PCMTD1: variants seen among roughly 807,000 people sequenced by gnomAD.
The protein encoded by PCMTD1 is protein-L-isoaspartate (D-aspartate) O-methyltransferase domain containing 1.
Under a neutral mutation model 37.6 loss-of-function variants are expected in PCMTD1, and 12 were observed. That is an observed-to-expected ratio of 0.32 (90% CI 0.20 to 0.52). The LOEUF (loss-of-function observed/expected upper bound fraction) is 0.52. Among genes scored for constraint, PCMTD1 ranks in the 20% least tolerant of loss-of-function variants. The pLI is 0.97. For missense variants in PCMTD1, 235 were observed against 421.3 expected, an observed-to-expected ratio of 0.56 and a Z score of 3.87; for synonymous variants, 117 against 135.8, an observed-to-expected ratio of 0.86 and a Z score of 0.96.
intron 1 of PCMTD1, among the ~76,000 whole-genome samples, chr8:51,887,909 AT>A (rs1020983656): frequency 1.3e-5 from 2 of 151,698 alleles, no homozygotes; most frequent in Non-Finnish European, 2.9e-5. Flanking sequence ...CACTCAGCTA[AT>A]TTTTTTGTAT....
chr8:51,881,112 T>C (rs2038785566), intron 1 of PCMTD1, among the ~76,000 whole-genome samples: 1 of 152,200 alleles, frequency 6.6e-6, no homozygotes, highest in South Asian at 2.1e-4. Flanking sequence ...TGAGTCTTCA[T>C]TACTCTCAAT....
At chr8:51,832,609 G>A (rs1422193702) in intron 4 of PCMTD1, among the ~76,000 whole-genome samples, 1 of 152,088 alleles carries the variant, frequency 6.6e-6, no homozygotes, top group Non-Finnish European at 1.5e-5. Context: ...TTTTAAATGT[G>A]TTTTTATTAA....
At chr8:51,889,870 G>A (rs2038912811) in intron 1 of PCMTD1, among the ~76,000 whole-genome samples, 2 of 38,510 alleles carry the variant, frequency 5.2e-5, no homozygotes, top group Admixed American at 6.0e-4. Context: ...ATATACGTGT[G>A]TGTGTGTGTG....
rs538389671 is a variant in PCMTD1 at position 51,829,020 on chromosome 8, A to G, written c.706+2424T>C. Reference sequence around the variant, plus strand: ...TATATGGATTAAAGTCCTTTTTGTAAGTAGCGAAAGTATACGTTACTAACA... The same window carrying G: ...TATATGGATTAAAGTCCTTTTTGTAGGTAGCGAAAGTATACGTTACTAACA... On this transcript the variant is annotated intron_variant, in intron 5 of 5. Coordinates refer to ENST00000522514, the MANE Select transcript of PCMTD1 (RefSeq NM_052937.4). Among the ~76,000 whole-genome samples, 5 of 152,242 alleles carry G rather than the reference A, an allele frequency of 3.3e-5. No individual in the cohort carries two copies. The South Asian group carries it at 8.3e-4, about 25-fold the overall frequency.
intron 1 of PCMTD1, among the ~76,000 whole-genome samples, chr8:51,891,656 G>GT (rs1210188061): frequency 5.7e-5 from 8 of 140,186 alleles, no homozygotes; most frequent in Admixed American, 4.6e-4. Context: ...TATGCCACTA[G>GT]TTAAAAAAAA....
At chr8:51,875,696 G>A (rs768096266) in intron 1 of PCMTD1, among the ~76,000 whole-genome samples, 16 of 152,192 alleles carry the variant, frequency 1.1e-4, no homozygotes, top group Non-Finnish European at 1.8e-4. Flanking sequence ...TCAGCACTCT[G>A]GGAAGCCAAG....
At chr8:51,848,252 A>AC (rs2038252124) in intron 2 of PCMTD1, among the ~76,000 whole-genome samples, 1 of 151,932 alleles carries the variant, frequency 6.6e-6, no homozygotes, top group Non-Finnish European at 1.5e-5. Flanking sequence ...CTGCCACTAC[A>AC]ATCCGGGCTG....
chr8:51,854,236 TTTAC>T, intron 2 of PCMTD1, among the ~76,000 whole-genome samples: 1 of 152,224 alleles, frequency 6.6e-6, no homozygotes, highest in Middle Eastern at 3.2e-3. Flanking sequence ...TATTATTTTA[TTTAC>T]TATTACCCTG....
chr8:51,868,836 TG>T (rs2038597808), intron 1 of PCMTD1, among the ~76,000 whole-genome samples: 1 of 152,156 alleles, frequency 6.6e-6, no homozygotes, highest in African/African-American at 2.4e-5. Context: ...GCAGAAAACA[TG>T]AAAATAAAGT....
intron 1 of PCMTD1, among the ~76,000 whole-genome samples, chr8:51,867,589 A>T (rs2038575697): frequency 6.6e-6 from 1 of 151,652 alleles, no homozygotes; most frequent in African/African-American, 2.4e-5. Context: ...AAATCCATTT[A>T]TATATATATA....
chr8:51,827,404 A>G, intron 5 of PCMTD1: 1 of 605,848 alleles, frequency 1.7e-6, no homozygotes, highest in Non-Finnish European at 2.7e-6. Flanking sequence ...AGCAATTCAT[A>G]TGTTTTAAAT....
intron 1 of PCMTD1, among the ~76,000 whole-genome samples, chr8:51,891,121 A>C (rs752810286): frequency 1.7e-4 from 26 of 152,228 alleles, no homozygotes; most frequent in Non-Finnish European, 2.9e-4. Flanking sequence ...TTTACTTATT[A>C]TGTTCACAAT....
intron 1 of PCMTD1, among the ~76,000 whole-genome samples, chr8:51,882,208 C>T (rs559972545): frequency 9.2e-5 from 14 of 152,318 alleles, no homozygotes; most frequent in Non-Finnish European, 1.6e-4. Context: ...CGATGGTCAC[C>T]ATCTTGCTGT....
chr8:51,872,433 C>T (rs955620981), intron 1 of PCMTD1, among the ~76,000 whole-genome samples: 1 of 152,150 alleles, frequency 6.6e-6, no homozygotes, highest in Non-Finnish European at 1.5e-5. Context: ...ATCCTTAACA[C>T]TTTTTAAAAT....
intron 3 of PCMTD1, among the ~76,000 whole-genome samples, chr8:51,834,309 G>C (rs1385459877): frequency 1.2e-4 from 19 of 152,132 alleles, no homozygotes; most frequent in Non-Finnish European, 2.1e-4. Context: ...TTGCTGCTTT[G>C]GCCCCGATGA....
chr8:51,897,754 T>C (rs1317388410), intron 1 of PCMTD1, among the ~76,000 whole-genome samples: 1 of 152,184 alleles, frequency 6.6e-6, no homozygotes, highest in Non-Finnish European at 1.5e-5. Context: ...TGTTTAACAA[T>C]GAAGAAAAGG....
intron 4 of PCMTD1, among the ~76,000 whole-genome samples, chr8:51,832,476 A>T (rs1298853521): frequency 6.6e-6 from 1 of 152,204 alleles, no homozygotes; most frequent in African/African-American, 2.4e-5. Flanking sequence ...GAACCCCAAG[A>T]TGTATAAACT....
At chr8:51,834,933 C>T (rs141812629) in intron 3 of PCMTD1, among the ~76,000 whole-genome samples, 1 of 152,208 alleles carries the variant, frequency 6.6e-6, no homozygotes, top group African/African-American at 2.4e-5. Flanking sequence ...GCAGTCCATG[C>T]CCCATTATTT....
At chr8:51,831,760 A>G (rs989618397) in intron 4 of PCMTD1, among the ~76,000 whole-genome samples, 193 bp from the exon 5 acceptor site, 2 of 152,220 alleles carry the variant, frequency 1.3e-5, no homozygotes, top group Non-Finnish European at 2.9e-5. Flanking sequence ...ATTTGCTGTT[A>G]ATACAGATGT....
Sources: allele counts gnomAD v4.1 joint callset (sites outside exome capture counted in the v4.1 genomes callset), GRCh38; gene constraint gnomAD v4.1.1; transcripts MANE v1.5; gene names NCBI Gene and HGNC (gene_info 2026-07-23, HGNC 2026-07-21).